The following ARFGAP3 variants were observed in gnomAD, a reference collection of about 807,000 sequenced individuals.
ARFGAP3 encodes the protein ADP-ribosylation factor GTPase-activating protein 3.
ARFGAP3 carries 72 observed loss-of-function variants against 75.0 expected under a neutral mutation model. The ratio of observed to expected loss-of-function variants is 0.96; its 90% CI spans 0.79 to 1.17. The LOEUF (loss-of-function observed/expected upper bound fraction) is 1.17. Among genes scored for constraint, ARFGAP3 ranks in the 50% most tolerant of loss-of-function variants. The pLI, the probability that ARFGAP3 is intolerant of heterozygous loss-of-function variation, is 0.00. For missense variants in ARFGAP3, 620 were observed against 626.6 expected (o/e 0.99, Z 0.11); for synonymous variants, 221 against 217.9 (o/e 1.01, Z -0.13).
chr22:42,827,211 A>G (rs769082742), intron 6 of ARFGAP3: 78 of 441,230 alleles, frequency 1.8e-4, no homozygotes, highest in Non-Finnish European at 2.3e-4. Context: ...CAATGGCTTT[A>G]TCAAATAAAA....
At chr22:42,816,610 T>A (rs181528882) in intron 11 of ARFGAP3, among the ~76,000 whole-genome samples, 2 of 152,366 alleles carry the variant, frequency 1.3e-5, no homozygotes, top group Admixed American at 6.5e-5. Flanking sequence ...TTATGCATTT[T>A]GTCTCAATAA....
chr22:42,809,248 T>C (rs1925258633), intron 12 of ARFGAP3, among the ~76,000 whole-genome samples: 1 of 152,202 alleles, frequency 6.6e-6, no homozygotes, highest in East Asian at 1.9e-4. Context: ...TGGGACAATT[T>C]CAAGTCACAC....
chr22:42,820,131 G>C (rs1925747489), intron 9 of ARFGAP3, among the ~76,000 whole-genome samples: 1 of 152,158 alleles, frequency 6.6e-6, no homozygotes, highest in Non-Finnish European at 1.5e-5. Flanking sequence ...GAAGGAAGCT[G>C]ATCAGGGCCC....
At chr22:42,838,304 T>TC in intron 3 of ARFGAP3, among the ~76,000 whole-genome samples, 1 of 148,704 alleles carries the variant, frequency 6.7e-6, no homozygotes, top group African/African-American at 2.5e-5. Context: ...TTTTTTTCTT[T>TC]TTTTTTTTTC....
chr22:42,831,478 A>G, intron 6 of ARFGAP3, 71 bp downstream of exon 6: 1 of 1,499,520 alleles, frequency 6.7e-7, no homozygotes, highest in Admixed American at 1.8e-5. Flanking sequence ...GGCCCATCTT[A>G]ATTTTTAATA....
Position 42,796,560 on chromosome 22 carries a change from C to T in ARFGAP3, c.*1028G>A, listed in dbSNP as rs1275012092. 6.6e-6 allele frequency: 1 copy of T among 152,178 alleles called. No individual in the cohort carries two copies. The highest frequency in any genetic ancestry group is 2.4e-5 in the African/African-American group (1 of 41,448). 9.4% of individuals were successfully genotyped at this position (152,178 alleles called of 1,614,324 possible). ...GCAAGTGTTTATTCTATTTAGAAGT[C>T]TACAAATTTGAGCTTTTAAGAAAGA... On this transcript the variant is annotated 3_prime_UTR_variant, in exon 16 of 16. Coordinates refer to ENST00000263245, the MANE Select transcript of ARFGAP3 (RefSeq NM_014570.5).
chr22:42,835,285 C>G, intron 4 of ARFGAP3, 77 bp downstream of exon 4: 2 of 1,526,828 alleles, frequency 1.3e-6, no homozygotes, highest in Non-Finnish European at 1.8e-6. Flanking sequence ...AAAAGTTTTA[C>G]TATTCAGGAT....
intron 2 of ARFGAP3, 189 bp downstream of exon 2, chr22:42,847,325 C>A (rs934223749): frequency 1.5e-5 from 8 of 536,822 alleles, no homozygotes; most frequent in Admixed American, 6.6e-5. Flanking sequence ...CATCATCACA[C>A]CACAACATTT....
intron 14 of ARFGAP3, among the ~76,000 whole-genome samples, chr22:42,804,221 T>G (rs748448784): frequency 1.3e-4 from 20 of 151,290 alleles, no homozygotes; most frequent in Non-Finnish European, 2.8e-4. Flanking sequence ...TTTCCTTTTC[T>G]TTTTTTTGAA....
chr22:42,846,594 T>G (rs934043976), intron 2 of ARFGAP3, among the ~76,000 whole-genome samples: 1 of 152,210 alleles, frequency 6.6e-6, no homozygotes, highest in African/African-American at 2.4e-5. Context: ...AAAAAGACCT[T>G]CATGTTATAA....
At chr22:42,833,648 C>T (rs1037354625) in intron 5 of ARFGAP3, among the ~76,000 whole-genome samples, 3 of 152,064 alleles carry the variant, frequency 2.0e-5, no homozygotes, top group Non-Finnish European at 4.4e-5. Context: ...CCCAGCTACT[C>T]GGGAGGCTGA....
rs913368708 is a variant in ARFGAP3 at position 42,820,919 on chromosome 22, G to A, written c.812+1351C>T. On this transcript the variant is annotated intron_variant, in intron 9 of 15. Transcript: ENST00000263245. ...TCTTCCTGGCCTGGGTATCACTACC[G>A]AACTCATTCTCCCGAGACGCCCCTT... Among the ~76,000 whole-genome samples the A allele has an allele frequency of 5.3e-5, 8 of 152,048 alleles. No homozygotes were observed. In the East Asian group the frequency reaches 9.6e-4, roughly 18 times the overall value.
chr22:42,811,119 A>C (rs796782866), intron 11 of ARFGAP3, 175 bp from the exon 12 acceptor site: 1 of 597,354 alleles, frequency 1.7e-6, no homozygotes. Context: ...AAGGCCTTTC[A>C]AGTACCTGTG....
At chr22:42,850,525 A>C (rs1927230095) in intron 1 of ARFGAP3, among the ~76,000 whole-genome samples, 1 of 134,602 alleles carries the variant, frequency 7.4e-6, no homozygotes, top group South Asian at 2.5e-4. Context: ...ATGAGCGGAG[A>C]CCACTCCACT....
At chr22:42,802,243 G>A (rs1315282197) in intron 14 of ARFGAP3, among the ~76,000 whole-genome samples, 1 of 151,998 alleles carries the variant, frequency 6.6e-6, no homozygotes. Context: ...TGTGACGTGG[G>A]AGGTGGAAGT....
intron 6 of ARFGAP3, among the ~76,000 whole-genome samples, chr22:42,829,961 T>C (rs1926212257): frequency 6.6e-6 from 1 of 152,242 alleles, no homozygotes. Context: ...AATAACCCAT[T>C]GTTACCTAGG....
intron 11 of ARFGAP3, among the ~76,000 whole-genome samples, chr22:42,813,165 G>A (rs1925441115): frequency 6.6e-6 from 1 of 152,198 alleles, no homozygotes; most frequent in African/African-American, 2.4e-5. Context: ...ACTCTGCTAG[G>A]GGAAGACAAA....
intron 6 of ARFGAP3, among the ~76,000 whole-genome samples, chr22:42,828,510 C>T (rs562184294): frequency 6.0e-4 from 91 of 151,618 alleles, no homozygotes; most frequent in Non-Finnish European, 1.2e-3. Context: ...GACCTGAGAT[C>T]ACACCATTGC....
At chr22:42,822,854 A>G (rs1925872661) in intron 8 of ARFGAP3, among the ~76,000 whole-genome samples, 1 of 151,974 alleles carries the variant, frequency 6.6e-6, no homozygotes, top group African/African-American at 2.4e-5. Context: ...CTGTTGACCA[A>G]GCTGGAGTAC....
Sources: allele counts gnomAD v4.1 joint callset (sites outside exome capture counted in the v4.1 genomes callset), GRCh38; gene constraint gnomAD v4.1.1; transcripts MANE v1.5; gene names NCBI Gene and HGNC (gene_info 2026-07-23, HGNC 2026-07-21).